Variants in CSDC2 observed in about 807,000 individuals in gnomAD.
The protein encoded by CSDC2 is cold shock domain containing C2.
In CSDC2, 8 loss-of-function variants were observed where a neutral mutation model predicts 15.8. The observed-to-expected ratio is 0.51, with a 90% CI of 0.30 to 0.92. The LOEUF is 0.92. Ranked by LOEUF, CSDC2 falls within the 40% of genes least tolerant of loss-of-function variation. The pLI, the probability that CSDC2 is intolerant of heterozygous loss-of-function variation, is 0.07. For synonymous variants in CSDC2, 96 were observed against 92.3 expected (o/e 1.04, Z -0.23); for missense variants, 195 against 213.3 (o/e 0.91, Z 0.53).
At chr22:41,569,751 T>C (rs1287461131) in intron 1 of CSDC2, among the ~76,000 whole-genome samples, 2 of 151,654 alleles carry the variant, frequency 1.3e-5, no homozygotes, top group East Asian at 1.9e-4. Context: ...TTCATGAACA[T>C]TTATGTCCAA....
chr22:41,569,101 C>A (rs1046874207), intron 1 of CSDC2, among the ~76,000 whole-genome samples: 3 of 152,234 alleles, frequency 2.0e-5, no homozygotes, highest in Non-Finnish European at 4.4e-5. Flanking sequence ...GCCAGGACCG[C>A]CCTGCTCCCT....
At chr22:41,572,940 G>A (rs1352922688) in intron 2 of CSDC2, among the ~76,000 whole-genome samples, 1 of 152,138 alleles carries the variant, frequency 6.6e-6, no homozygotes, top group Non-Finnish European at 1.5e-5. Context: ...CAGTGGTGCA[G>A]TCATGGCTCA....
At chr22:41,566,466 A>AAAAAC (rs1555896245) in intron 1 of CSDC2, among the ~76,000 whole-genome samples, 3 of 133,938 alleles carry the variant, frequency 2.2e-5, no homozygotes, top group African/African-American at 8.7e-5. Flanking sequence ...AAAAAAAAAA[A>AAAAAC]ACACACAAAA....
At chr22:41,567,195 A>C (rs946835985) in intron 1 of CSDC2, among the ~76,000 whole-genome samples, 1 of 152,162 alleles carries the variant, frequency 6.6e-6, no homozygotes, top group Non-Finnish European at 1.5e-5. Context: ...TCTCAGGGAA[A>C]GTTCTTTTGG....
Position 41,576,265 on chromosome 22 carries a change from C to T in CSDC2, c.*1370C>T, listed in dbSNP as rs1488231198. On this transcript the variant is annotated 3_prime_UTR_variant, in exon 4 of 4. Coordinates refer to ENST00000306149, the MANE Select transcript of CSDC2 (RefSeq NM_014460.4). Reference sequence around the variant, plus strand: ...CCAAGACCGCAGGGTAGAAATCAGCCGGGATGCCTGCATCCCACCCCCGGC... The same window carrying T: ...CCAAGACCGCAGGGTAGAAATCAGCTGGGATGCCTGCATCCCACCCCCGGC... 2.0e-5 allele frequency: 3 copies of T among 152,266 alleles called. No homozygotes were observed. Among genetic ancestry groups the T allele is most frequent in the Admixed American group, 1.3e-4 (2 of 15,278 alleles). 9.4% of individuals were successfully genotyped at this position (152,266 alleles called of 1,614,324 possible). A position where few individuals can be genotyped will look rare whatever the true frequency, so the allele number is the denominator to read the frequency against.
chr22:41,570,821 CAAA>C lies in CSDC2; in HGVS notation c.-123-1005_-123-1003del, dbSNP rs34010467. 1.8e-3 allele frequency among the ~76,000 whole-genome samples: 158 copies of C among 89,664 alleles called. 1 individual carries two copies. Among genetic ancestry groups the C allele is most frequent in the Middle Eastern group, 6.0e-3 (1 of 168 alleles). The allele number at this position is 89,664 out of a possible 152,430, so 58.8% of individuals were successfully genotyped here. A position where few individuals can be genotyped will look rare whatever the true frequency, so the allele number is the denominator to read the frequency against. On this transcript the variant is annotated intron_variant, in intron 1 of 3. Coordinates refer to ENST00000306149, the MANE Select transcript of CSDC2 (RefSeq NM_014460.4). ...TGGGTGACAGAGTGAGACTCTGTCTCAAAAAAAAAAAAAAAAAAATTAGCTAGG... is the reference window on the plus strand; with the variant it reads ...TGGGTGACAGAGTGAGACTCTGTCTCAAAAAAAAAAAAAAAATTAGCTAGG...
At chr22:41,570,812 ACT>A (rs2067141508) in intron 1 of CSDC2, among the ~76,000 whole-genome samples, 1 of 134,396 alleles carries the variant, frequency 7.4e-6, no homozygotes, top group African/African-American at 2.9e-5. Context: ...ACAGAGTGAG[ACT>A]CTGTCTCAAA....
At chr22:41,563,618 C>T (rs1054936061) in intron 1 of CSDC2, among the ~76,000 whole-genome samples, 3 of 152,092 alleles carry the variant, frequency 2.0e-5, no homozygotes, top group Admixed American at 6.5e-5. Context: ...ATTCCACACC[C>T]GACTCCTCCT....
chr22:41,567,198 T>A (rs1810857472), intron 1 of CSDC2, among the ~76,000 whole-genome samples: 1 of 152,182 alleles, frequency 6.6e-6, no homozygotes, highest in Non-Finnish European at 1.5e-5. Flanking sequence ...CAGGGAAAGT[T>A]CTTTTGGAAA....
intron 1 of CSDC2, among the ~76,000 whole-genome samples, chr22:41,564,417 C>G (rs1236013376): frequency 3.3e-5 from 5 of 151,826 alleles, no homozygotes; most frequent in Non-Finnish European, 7.4e-5. Context: ...CCTGCCACCA[C>G]GCCCAGTTAA....
At chr22:41,572,370 A>AT (rs2067150299) in intron 2 of CSDC2, among the ~76,000 whole-genome samples, 1 of 33,306 alleles carries the variant, frequency 3.0e-5, no homozygotes, top group African/African-American at 1.1e-4. Context: ...CCACCCACCC[A>AT]CCCACCCACC....
chr22:41,574,404 T>C (rs988720322), intron 3 of CSDC2, among the ~76,000 whole-genome samples: 1 of 152,342 alleles, frequency 6.6e-6, no homozygotes, highest in East Asian at 1.9e-4. Flanking sequence ...TAGCTGGAAT[T>C]ACAGGTGCCA....
intron 1 of CSDC2, among the ~76,000 whole-genome samples, chr22:41,568,978 G>A (rs1164111679): frequency 3.3e-5 from 5 of 152,254 alleles, no homozygotes; most frequent in African/African-American, 9.6e-5. Flanking sequence ...ACCACCATGA[G>A]CTGCATCTCC....
chr22:41,574,623 C>G, intron 3 of CSDC2, 110 bp from the exon 4 acceptor site: 1 of 1,302,436 alleles, frequency 7.7e-7, no homozygotes, highest in Non-Finnish European at 1.0e-6. Flanking sequence ...CCTGGCCAGG[C>G]CTCCTGGCCT....
chr22:41,569,058 C>T (rs2067131475), intron 1 of CSDC2, among the ~76,000 whole-genome samples: 1 of 152,242 alleles, frequency 6.6e-6, no homozygotes, highest in African/African-American at 2.4e-5. Context: ...CTGCCAAGCA[C>T]AATACCAGGC....
chr22:41,572,012 C>A lies in CSDC2; in HGVS notation c.47C>A (p.Ser16Tyr). 2 of 1,361,822 alleles carry A rather than the reference C, an allele frequency of 1.5e-6. No individual in the cohort carries two copies. Among genetic ancestry groups the A allele is most frequent in the Non-Finnish European group, 1.9e-6 (2 of 1,055,248 alleles). 84.4% of individuals were successfully genotyped at this position (1,361,822 alleles called of 1,614,324 possible). The change falls in exon 2 of 4, where the codon TCC becomes TAC. Residue 16 changes from serine (S) to tyrosine (Y), a missense_variant. Ser to Tyr is a moderately radical substitution (Grantham distance 144, BLOSUM62 -2). Coordinates refer to ENST00000306149, the MANE Select transcript of CSDC2 (RefSeq NM_014460.4). ...TSPPVVPPLHSPKSPVWPTFP... is the reference protein window; with the variant it reads ...TSPPVVPPLHYPKSPVWPTFP... ...CCCCCAGTTGTGCCCCCGCTCCACT[C>A]CCCCAAGTCCCCAGTCTGGCCCACC... is the stretch of plus-strand genomic sequence containing the variant.
Position 41,575,073 on chromosome 22 carries a change from A to T in CSDC2, c.*178A>T, listed in dbSNP as rs1475056429. 5 of 760,302 alleles carry T rather than the reference A, an allele frequency of 6.6e-6. No individual in the cohort carries two copies. Among genetic ancestry groups the T allele is most frequent in the Admixed American group, 5.6e-5 (2 of 35,428 alleles). 47.1% of individuals were successfully genotyped at this position (760,302 alleles called of 1,614,324 possible). A position where few individuals can be genotyped will look rare whatever the true frequency, so the allele number is the denominator to read the frequency against. On this transcript the variant is annotated 3_prime_UTR_variant, in exon 4 of 4. Transcript: ENST00000306149. Reference sequence around the variant, plus strand: ...AGCGTGTGCCTCCACCCACCCCACGACCCGTGACTACTGTGCAAGCTGGCC... The same window carrying T: ...AGCGTGTGCCTCCACCCACCCCACGTCCCGTGACTACTGTGCAAGCTGGCC...
chr22:41,567,620 C>A (rs1316723044), intron 1 of CSDC2, among the ~76,000 whole-genome samples: 1 of 152,114 alleles, frequency 6.6e-6, no homozygotes, highest in African/African-American at 2.4e-5. Context: ...CTGGCAGGGC[C>A]CAGAGAGGGA....
intron 1 of CSDC2, among the ~76,000 whole-genome samples, chr22:41,571,268 C>T (rs148081449): frequency 2.6e-5 from 4 of 152,170 alleles, no homozygotes; most frequent in African/African-American, 4.8e-5. Context: ...GCAGGAGAAT[C>T]GCTTATACCC....
Sources: gnomAD v4.1 joint callset for allele counts (sites outside exome capture counted in the v4.1 genomes callset) on GRCh38, gnomAD v4.1.1 for gene constraint, MANE v1.5 for transcripts, NCBI Gene and HGNC (gene_info 2026-07-23, HGNC 2026-07-21) for gene names.